The following GNG2 variants were observed in gnomAD, a reference collection of about 807,000 sequenced individuals.
GNG2 encodes G protein subunit gamma 2.
A neutral mutation model predicts 5.5 loss-of-function variants in GNG2; 5 were observed. The ratio of observed to expected loss-of-function variants is 0.91; its 90% confidence interval spans 0.48 to 1.92. The LOEUF is 1.92. Among genes scored for constraint, GNG2 ranks in the 30% most tolerant of loss-of-function variants. The pLI is 0.01. For missense variants in GNG2, 55 were observed against 88.4 expected (o/e 0.62, Z 1.52); for synonymous variants, 28 against 32.0 (o/e 0.88, Z 0.42).
intron 2 of GNG2, among the ~76,000 whole-genome samples, chr14:51,834,604 C>A (rs1345350389): frequency 6.6e-6 from 1 of 152,198 alleles, no homozygotes; most frequent in East Asian, 1.9e-4. Flanking sequence ...CCACTGGGTC[C>A]TGGGTAAGGA....
intron 2 of GNG2, among the ~76,000 whole-genome samples, chr14:51,934,236 A>G (rs1223724425): frequency 2.0e-5 from 3 of 152,198 alleles, no homozygotes; most frequent in Non-Finnish European, 4.4e-5. Flanking sequence ...AAGTCCTGCT[A>G]GAGTCAAAGA....
chr14:51,951,188 C>T (rs1021250478), intron 3 of GNG2, among the ~76,000 whole-genome samples: 3 of 152,280 alleles, frequency 2.0e-5, no homozygotes, highest in South Asian at 4.1e-4. Context: ...TATCCTTGCA[C>T]GTTATAAGTT....
intron 2 of GNG2, among the ~76,000 whole-genome samples, chr14:51,900,711 C>T (rs2140179033): frequency 1.3e-5 from 2 of 151,862 alleles, no homozygotes; most frequent in Middle Eastern, 6.8e-3. Flanking sequence ...TAGAAATGGG[C>T]CTGGGGCAGA....
chr14:51,835,652 T>C (rs1275010311), intron 2 of GNG2, among the ~76,000 whole-genome samples: 1 of 152,186 alleles, frequency 6.6e-6, no homozygotes. Context: ...TACAGGATCA[T>C]CCACTGCTCC....
At chr14:51,932,114 G>A (rs1887691019) in intron 2 of GNG2, among the ~76,000 whole-genome samples, 1 of 151,918 alleles carries the variant, frequency 6.6e-6, no homozygotes, top group Non-Finnish European at 1.5e-5. Flanking sequence ...GGGCATGGTA[G>A]CAGGCGCCTA....
intron 2 of GNG2, among the ~76,000 whole-genome samples, chr14:51,885,616 C>T (rs1162763378): frequency 6.6e-6 from 1 of 151,964 alleles, no homozygotes; most frequent in Non-Finnish European, 1.5e-5. Flanking sequence ...CACACCCCCG[C>T]CCCCAAACAA....
intron 2 of GNG2, among the ~76,000 whole-genome samples, chr14:51,944,102 G>C (rs1888504190): frequency 6.6e-6 from 1 of 152,064 alleles, no homozygotes; most frequent in African/African-American, 2.4e-5. Context: ...CATATATAGA[G>C]ACCAATGGAA....
chr14:51,918,054 A>G (rs1163463805), intron 2 of GNG2, among the ~76,000 whole-genome samples: 1 of 148,380 alleles, frequency 6.7e-6, no homozygotes, highest in African/African-American at 2.6e-5. Context: ...AAAAAAAAAA[A>G]CTGATAAAGA....
At chr14:51,859,075 T>C (rs114204170), upstream of GNG2, among the ~76,000 whole-genome samples, 394 of 152,326 alleles carry the variant, frequency 2.6e-3, 2 homozygotes, top group African/African-American at 8.9e-3. Flanking sequence ...CCATCAGTCC[T>C]AGATTTCTAA....
At chr14:51,905,807 C>A (rs1252265110) in intron 2 of GNG2, among the ~76,000 whole-genome samples, 1 of 152,206 alleles carries the variant, frequency 6.6e-6, no homozygotes, top group Non-Finnish European at 1.5e-5. Flanking sequence ...TGAGTTCTCA[C>A]AAGATCTGAT....
At chr14:51,884,423 G>C (rs1274033514) in intron 2 of GNG2, among the ~76,000 whole-genome samples, 1 of 152,150 alleles carries the variant, frequency 6.6e-6, no homozygotes, top group Non-Finnish European at 1.5e-5. Flanking sequence ...TCCTTTAGAT[G>C]ACCCTGCAAC....
In GNG2 at chr14:51,954,772, T is replaced by G. The variant is rs532545250; in HGVS notation, c.87+4007T>G. Among the ~76,000 whole-genome samples the G allele has an allele frequency of 1.2e-4, 18 of 152,334 alleles. No individual in the cohort carries two copies. The Middle Eastern group carries it at 0.01, about 86-fold the overall frequency. Reference sequence around the variant, plus strand: ...CCAGGTCCATATAGCAGGCACAAGATGGCTGCCCATGGTTCCCAGGATCAC... The same window carrying G: ...CCAGGTCCATATAGCAGGCACAAGAGGGCTGCCCATGGTTCCCAGGATCAC... On this transcript the variant is annotated intron_variant, in intron 3 of 3. Transcript: ENST00000556766.
intron 2 of GNG2, among the ~76,000 whole-genome samples, chr14:51,853,011 C>G (rs1881981095): frequency 6.6e-6 from 1 of 152,200 alleles, no homozygotes; most frequent in Admixed American, 6.5e-5. Flanking sequence ...CACATTTCCC[C>G]CCTTGCTACA....
intron 2 of GNG2, among the ~76,000 whole-genome samples, chr14:51,848,478 A>C (rs1399828240): frequency 6.6e-6 from 1 of 152,098 alleles, no homozygotes; most frequent in African/African-American, 2.4e-5. Context: ...CCCCTCCTTG[A>C]TGCTTCTGAA....
At chr14:51,856,837 C>T (rs1216879394), upstream of GNG2, among the ~76,000 whole-genome samples, 1 of 152,190 alleles carries the variant, frequency 6.6e-6, no homozygotes, top group Non-Finnish European at 1.5e-5. Flanking sequence ...TTTAGGCTTG[C>T]CCATATAACA....
At chr14:51,909,686 C>A (rs1297866684) in intron 2 of GNG2, among the ~76,000 whole-genome samples, 3 of 152,184 alleles carry the variant, frequency 2.0e-5, no homozygotes, top group Admixed American at 6.5e-5. Flanking sequence ...AATTTGACTT[C>A]TCCCCCTTGA....
chr14:51,951,370 T>G (rs922306610), intron 3 of GNG2, among the ~76,000 whole-genome samples: 2 of 152,216 alleles, frequency 1.3e-5, no homozygotes, highest in Non-Finnish European at 2.9e-5. Context: ...AAGCTGGGGC[T>G]AATTCATCTG....
intron 2 of GNG2, among the ~76,000 whole-genome samples, chr14:51,949,348 G>T (rs564101400): frequency 6.6e-6 from 1 of 151,934 alleles, no homozygotes; most frequent in East Asian, 1.9e-4. Flanking sequence ...TTGCTTTTTG[G>T]TCATTAAGAC....
At chr14:51,891,484 T>C (rs1884850685) in intron 2 of GNG2, among the ~76,000 whole-genome samples, 1 of 152,214 alleles carries the variant, frequency 6.6e-6, no homozygotes, top group Non-Finnish European at 1.5e-5. Flanking sequence ...AGACTGTTAG[T>C]AGAACAAACC....
Sources: gnomAD v4.1 joint callset for allele counts (sites outside exome capture counted in the v4.1 genomes callset) on GRCh38, gnomAD v4.1.1 for gene constraint, MANE v1.5 for transcripts, NCBI Gene and HGNC (gene_info 2026-07-23, HGNC 2026-07-21) for gene names.